The following SP100 variants were observed in gnomAD, a reference collection of about 807,000 sequenced individuals.
SP100 encodes nuclear autoantigen Sp-100.
A neutral mutation model predicts 130.0 loss-of-function variants in SP100; 84 were observed. That is an observed-to-expected ratio of 0.65 (90% CI 0.54 to 0.77). The LOEUF (loss-of-function observed/expected upper bound fraction) is 0.77. Ranked by LOEUF, SP100 falls within the 30% of genes least tolerant of loss-of-function variation. The probability of loss-of-function intolerance (pLI) is 0.00; values close to 1 mark genes in which losing one functional copy is unlikely to be tolerated. For synonymous variants in SP100, 331 were observed against 351.7 expected (o/e 0.94, Z 0.66); for missense variants, 978 against 1,052.2 (o/e 0.93, Z 0.97).
rs1415662478 is a variant in SP100, at chr2:230,543,871, A to G, written c.*925A>G. On this transcript the variant is annotated 3_prime_UTR_variant, in exon 29 of 29. Coordinates refer to ENST00000340126, the MANE Select transcript of SP100 (RefSeq NM_001080391.2). ...GCCAAGGCAATCCTAAGCAAAAAGA[A>G]CAAAGCTGAAGGCATCACGTTACCC... The G allele has an allele frequency of 6.6e-6, 1 of 152,196 alleles. No individual in the cohort carries two copies. The highest frequency in any genetic ancestry group is 1.5e-5 in the Non-Finnish European group (1 of 68,026). The allele number at this position is 152,196 out of a possible 1,614,324, so 9.4% of individuals were successfully genotyped here. A position where few individuals can be genotyped will look rare whatever the true frequency, so the allele number is the denominator to read the frequency against.
chr2:230,448,563 G>A (rs1445079033), intron 5 of SP100, among the ~76,000 whole-genome samples: 1 of 152,032 alleles, frequency 6.6e-6, no homozygotes, highest in East Asian at 1.9e-4. Context: ...ACAGAAAAAT[G>A]AAACAAAAAT....
intron 19 of SP100, among the ~76,000 whole-genome samples, chr2:230,499,073 C>A (rs1317993765): frequency 6.6e-6 from 1 of 152,184 alleles, no homozygotes; most frequent in Non-Finnish European, 1.5e-5. Flanking sequence ...GCCCCCTCTC[C>A]CGCATCATCA....
chr2:230,507,728 T>C (rs559619253), intron 22 of SP100, among the ~76,000 whole-genome samples: 2 of 152,196 alleles, frequency 1.3e-5, no homozygotes, highest in Non-Finnish European at 2.9e-5. Context: ...CATGCAAATC[T>C]GCTCCACAAT....
chr2:230,543,048 A>G lies in SP100; in HGVS notation c.*102A>G. 1.7e-6 allele frequency: 1 copy of G among 589,698 alleles called. No homozygotes were observed. Among genetic ancestry groups the G allele is most frequent in the Non-Finnish European group, 3.0e-6 (1 of 332,014 alleles). 36.5% of individuals were successfully genotyped at this position (589,698 alleles called of 1,614,324 possible). Reference sequence around the variant, plus strand: ...GCTCCTGTGGAAACTCCACATCACAATTCTCCAAAATTTATCATTGCCATT... The same window carrying G: ...GCTCCTGTGGAAACTCCACATCACAGTTCTCCAAAATTTATCATTGCCATT... On this transcript the variant is annotated 3_prime_UTR_variant, in exon 29 of 29. Transcript: ENST00000340126.
At chr2:230,442,138 G>A (rs986767261) in intron 2 of SP100, among the ~76,000 whole-genome samples, 1 of 152,082 alleles carries the variant, frequency 6.6e-6, no homozygotes, top group African/African-American at 2.4e-5. Context: ...TAGTTGGGAA[G>A]GAAGGGCTCA....
chr2:230,498,053 T>C (rs1310281279), intron 18 of SP100, among the ~76,000 whole-genome samples: 1 of 152,220 alleles, frequency 6.6e-6, no homozygotes, highest in African/African-American at 2.4e-5. Context: ...TGAAGTTTCT[T>C]CATTGGTCAT....
chr2:230,528,805 T>A (rs1022162203), intron 24 of SP100, among the ~76,000 whole-genome samples: 1 of 152,196 alleles, frequency 6.6e-6, no homozygotes, highest in African/African-American at 2.4e-5. Flanking sequence ...AATGCCTCTA[T>A]GCAAATAAAC....
At chr2:230,450,064 T>C (rs2063898811) in intron 7 of SP100, 108 bp from the exon 8 acceptor site, 3 of 753,582 alleles carry the variant, frequency 4.0e-6, no homozygotes. Context: ...GACAGGGGTA[T>C]AAGTAGAAAC....
intron 17 of SP100, among the ~76,000 whole-genome samples, chr2:230,493,065 G>A (rs1284036569): frequency 6.6e-6 from 1 of 152,074 alleles, no homozygotes; most frequent in Non-Finnish European, 1.5e-5. Context: ...CTCTGTCACA[G>A]GGTGAAGAGA....
Position 230,421,183 on chromosome 2 carries a change from GGATTTT to G in SP100, c.107+3520_107+3525del, listed in dbSNP as rs1464219570. On this transcript the variant is annotated intron_variant, in intron 2 of 28. Coordinates refer to ENST00000340126, the MANE Select transcript of SP100 (RefSeq NM_001080391.2). ...CTATTGCCCTCTTATATATTTGCTT[GGATTTT>G]GTGTGTCCTCATTATGAATTCTTCC... Among the ~76,000 whole-genome samples, 4 of 152,098 alleles carry G rather than the reference GGATTTT, an allele frequency of 2.6e-5. No homozygotes were observed. The East Asian group carries it at 7.7e-4, about 29-fold the overall frequency.
chr2:230,430,668 T>C (rs1378914075), intron 2 of SP100, among the ~76,000 whole-genome samples: 1 of 152,218 alleles, frequency 6.6e-6, no homozygotes, highest in Non-Finnish European at 1.5e-5. Context: ...GACCACAGGC[T>C]ACGTTCTACA....
At chr2:230,438,699 T>C (rs1485082919) in intron 2 of SP100, among the ~76,000 whole-genome samples, 1 of 148,576 alleles carries the variant, frequency 6.7e-6, no homozygotes, top group Non-Finnish European at 1.5e-5. Context: ...ATGGTATATA[T>C]ATATGTGTAT....
intron 16 of SP100, among the ~76,000 whole-genome samples, chr2:230,473,965 AC>A (rs1336528385): frequency 2.6e-5 from 4 of 152,176 alleles, no homozygotes; most frequent in African/African-American, 9.7e-5. Context: ...GCCTAAAAAG[AC>A]AAATAGTCCT....
intron 17 of SP100, among the ~76,000 whole-genome samples, chr2:230,492,695 A>G (rs1377141905): frequency 6.6e-6 from 1 of 152,110 alleles, no homozygotes; most frequent in Non-Finnish European, 1.5e-5. Flanking sequence ...GCTCACTTTT[A>G]TTTTTGTCCT....
At chr2:230,420,837 A>G (rs2062747043) in intron 2 of SP100, among the ~76,000 whole-genome samples, 1 of 152,128 alleles carries the variant, frequency 6.6e-6, no homozygotes, top group Non-Finnish European at 1.5e-5. Context: ...TCCCTAATGG[A>G]TTAACTTTTT....
At chr2:230,439,272 C>G (rs2063392802) in intron 2 of SP100, among the ~76,000 whole-genome samples, 2 of 151,934 alleles carry the variant, frequency 1.3e-5, no homozygotes, top group South Asian at 4.1e-4. Flanking sequence ...CTTGCTTTGG[C>G]AATGTGGGCC....
chr2:230,499,883 A>G (rs2066918555), intron 19 of SP100, among the ~76,000 whole-genome samples: 1 of 151,960 alleles, frequency 6.6e-6, no homozygotes, highest in Non-Finnish European at 1.5e-5. Flanking sequence ...GTATCTGACA[A>G]TTCTCTCCAG....
In SP100 at chr2:230,416,234, C is replaced by T. The variant is rs1170623557; in HGVS notation, c.-63C>T. 3 of 1,424,610 alleles carry T rather than the reference C, an allele frequency of 2.1e-6. No homozygotes were observed. Among genetic ancestry groups the T allele is most frequent in the East Asian group, 2.3e-5 (1 of 43,430 alleles). The allele number at this position is 1,424,610 out of a possible 1,614,324, so 88.2% of individuals were successfully genotyped here. On this transcript the variant is annotated 5_prime_UTR_variant, in exon 1 of 29. Coordinates refer to ENST00000340126, the MANE Select transcript of SP100 (RefSeq NM_001080391.2). ...CCTGGGCAGCCACACTGCACGCAGG[C>T]TGGGCCGACTGAGGGGCTCAGAGGC...
At chr2:230,472,170 T>G (rs2065293954) in intron 15 of SP100, among the ~76,000 whole-genome samples, 1 of 152,132 alleles carries the variant, frequency 6.6e-6, no homozygotes, top group African/African-American at 2.4e-5. Context: ...GACTCATGCC[T>G]GTAATCCCAG....
Sources: allele counts gnomAD v4.1 joint callset (sites outside exome capture counted in the v4.1 genomes callset), GRCh38; gene constraint gnomAD v4.1.1; transcripts MANE v1.5; gene names NCBI Gene and HGNC (gene_info 2026-07-23, HGNC 2026-07-21).